Variants in ZNF28 observed in about 807,000 individuals in gnomAD.
ZNF28 encodes the protein zinc finger protein KOX24.
Under a neutral mutation model 7.2 loss-of-function variants are expected in ZNF28, and 5 were observed. That is an observed-to-expected ratio of 0.70 (90% CI 0.36 to 1.46). ZNF28 has a LOEUF of 1.46. Among genes scored for constraint, ZNF28 ranks in the 40% most tolerant of loss-of-function variants. ZNF28 has a pLI of 0.03. For synonymous variants in ZNF28, 288 were observed against 292.4 expected (o/e 0.99, Z 0.15); for missense variants, 879 against 866.6 (o/e 1.01, Z -0.18).
Position 52,798,753 on chromosome 19 carries a change from C to T in ZNF28, c.*935G>A, listed in dbSNP as rs2062826591. ...TATGAACGATATCTGAAAAATCTGT[C>T]ACATTTATTACACTTGTAAGATCTC... On this transcript the variant is annotated 3_prime_UTR_variant, in exon 4 of 4. Transcript: ENST00000457749. 1.7e-6 allele frequency: 1 copy of T among 591,832 alleles called. No individual in the cohort carries two copies. Among genetic ancestry groups the T allele is most frequent in the East Asian group, 5.0e-5 (1 of 19,860 alleles). 36.7% of individuals were successfully genotyped at this position (591,832 alleles called of 1,614,324 possible).
intron 2 of ZNF28, among the ~76,000 whole-genome samples, chr19:52,813,460 G>T (rs1422606646): frequency 8.3e-6 from 1 of 120,846 alleles, no homozygotes; most frequent in Non-Finnish European, 1.6e-5. Flanking sequence ...CGTAGGGGCT[G>T]CTCCAGGGTA....
At chr19:52,821,048 C>T (rs543810465) in intron 1 of ZNF28, among the ~76,000 whole-genome samples, 1 of 152,276 alleles carries the variant, frequency 6.6e-6, no homozygotes, top group East Asian at 1.9e-4. Flanking sequence ...GCCCCAGGCA[C>T]CTCTCCAACG....
rs1402934404 is a variant in ZNF28, at chr19:52,799,095, C to T, written c.*593G>A. The T allele has an allele frequency of 7.1e-6, 3 of 424,666 alleles. No homozygotes were observed. Among genetic ancestry groups the T allele is most frequent in the South Asian group, 4.5e-5 (2 of 44,886 alleles). 26.3% of individuals were successfully genotyped at this position (424,666 alleles called of 1,614,324 possible). ...ACTGACAACTTTGTCACAGTCTTCA[C>T]ATTTGTAAGATTTCTCTGCAGTATG... On this transcript the variant is annotated 3_prime_UTR_variant, in exon 4 of 4. Transcript: ENST00000457749.
intron 3 of ZNF28, among the ~76,000 whole-genome samples, chr19:52,804,892 C>T (rs1356434294): frequency 6.6e-6 from 1 of 152,174 alleles, no homozygotes; most frequent in African/African-American, 2.4e-5. Flanking sequence ...GCTGACAAAT[C>T]TTATTAAACA....
Position 52,801,416 on chromosome 19 carries a change from G to A in ZNF28, c.429C>T (p.Ser143=), listed in dbSNP as rs1181807868. The change falls in exon 4 of 4, where the codon AGC becomes AGT. Residue 143 remains serine (S), a synonymous_variant. Coordinates refer to ENST00000457749, the MANE Select transcript of ZNF28 (RefSeq NM_006969.5). ...NKHIKDQLGL[S]FHSHLPELHI... ...GCAGTTCAGGCAGATGCGAATGAAAGCTTAATCCAAGCTGATCTTTAATAT... is the reference window on the plus strand; with the variant it reads ...GCAGTTCAGGCAGATGCGAATGAAAACTTAATCCAAGCTGATCTTTAATAT... 3 of 1,614,094 alleles carry A rather than the reference G, an allele frequency of 1.9e-6. No individual in the cohort carries two copies. Among genetic ancestry groups the A allele is most frequent in the Admixed American group, 3.3e-5 (2 of 59,998 alleles).
At chr19:52,812,951 C>T (rs373676052) in intron 2 of ZNF28, among the ~76,000 whole-genome samples, 83 of 151,382 alleles carry the variant, frequency 5.5e-4, no homozygotes, top group Non-Finnish European at 1.5e-4. Flanking sequence ...TGAAATTCCA[C>T]AATCTGAGCT....
rs1568643176 is a variant in ZNF28, at chr19:52,798,606, GT to G, written c.*1081del. ...TTTGCCACAATCATCACACTTGTGA[GT>G]TTCTCTCCTGTATGAATCCTCCTAT... On this transcript the variant is annotated 3_prime_UTR_variant, in exon 4 of 4. Coordinates refer to ENST00000457749, the MANE Select transcript of ZNF28 (RefSeq NM_006969.5). 1 of 457,258 alleles carries G rather than the reference GT, an allele frequency of 2.2e-6. No homozygotes were observed. Among genetic ancestry groups the G allele is most frequent in the East Asian group, 6.0e-5 (1 of 16,540 alleles). The allele number at this position is 457,258 out of a possible 1,614,324, so 28.3% of individuals were successfully genotyped here.
At chr19:52,807,368 A>G (rs1022355215) in intron 3 of ZNF28, among the ~76,000 whole-genome samples, 5 of 152,362 alleles carry the variant, frequency 3.3e-5, no homozygotes, top group Middle Eastern at 3.4e-3. Flanking sequence ...GAGCACTGTA[A>G]TATGTAGTAT....
At chr19:52,821,242 A>G (rs934185345) in intron 1 of ZNF28, among the ~76,000 whole-genome samples, 8 of 152,098 alleles carry the variant, frequency 5.3e-5, no homozygotes, top group Admixed American at 1.3e-4. Flanking sequence ...GGAACCCAGG[A>G]GGATGAGGCT....
At chr19:52,813,249 G>GGAAAAAAAAAAAA (rs1229458898) in intron 2 of ZNF28, among the ~76,000 whole-genome samples, 2 of 62,984 alleles carry the variant, frequency 3.2e-5, no homozygotes, top group Non-Finnish European at 5.5e-5. Context: ...CTTGAATGGT[G>GGAAAAAAAAAAAA]AAAAAAAAAA....
At chr19:52,809,208 C>T (rs1205230160) in intron 2 of ZNF28, among the ~76,000 whole-genome samples, 1 of 152,166 alleles carries the variant, frequency 6.6e-6, no homozygotes, top group African/African-American at 2.4e-5. Context: ...AGCAATCACC[C>T]TTTCAACTGC....
intron 1 of ZNF28, among the ~76,000 whole-genome samples, chr19:52,819,457 A>C (rs2063168143): frequency 1.8e-5 from 2 of 112,150 alleles, no homozygotes; most frequent in Admixed American, 9.2e-5. Context: ...ACAACTGGGC[A>C]CTCCCCTCTA....
At position 52,803,339 on chromosome 19, in the gene ZNF28, C is replaced by T. The variant is rs149789302; in HGVS notation, c.143-1637G>A. Among the ~76,000 whole-genome samples the T allele has an allele frequency of 3.3e-5, 5 of 152,260 alleles. No individual in the cohort carries two copies. The East Asian group carries it at 7.7e-4, about 24-fold the overall frequency. ...CAGATGATCCACACATCTCAGCCTC[C>T]CAAGACCTGGGATTACAGGCATGAG... On this transcript the variant is annotated intron_variant, in intron 3 of 3. Transcript: ENST00000457749.
intron 1 of ZNF28, among the ~76,000 whole-genome samples, chr19:52,821,125 G>A (rs972845982): frequency 6.6e-6 from 1 of 152,220 alleles, no homozygotes; most frequent in Non-Finnish European, 1.5e-5. Flanking sequence ...GCAAGAGGAG[G>A]AGGGAGGTGG....
intron 1 of ZNF28, among the ~76,000 whole-genome samples, chr19:52,819,369 T>C (rs1401201095): frequency 1.4e-5 from 2 of 142,938 alleles, no homozygotes; most frequent in Non-Finnish European, 3.0e-5. Context: ...TCTTTCTGAG[T>C]CTACCACTCT....
At chr19:52,806,337 C>A (rs982006390) in intron 3 of ZNF28, among the ~76,000 whole-genome samples, 1 of 151,938 alleles carries the variant, frequency 6.6e-6, no homozygotes, top group African/African-American at 2.4e-5. Flanking sequence ...TGGATTACAG[C>A]CACCCACCAC....
intron 3 of ZNF28, among the ~76,000 whole-genome samples, chr19:52,804,663 A>G (rs1233354850): frequency 6.6e-6 from 1 of 152,048 alleles, no homozygotes; most frequent in East Asian, 1.9e-4. Flanking sequence ...GAGCCACTGC[A>G]CCTAGCCCAT....
chr19:52,814,802 G>A (rs559133297), intron 2 of ZNF28, among the ~76,000 whole-genome samples: 4 of 145,052 alleles, frequency 2.8e-5, no homozygotes, highest in Admixed American at 2.1e-4. Context: ...CAGGAGACTC[G>A]CTTGAACCAG....
chr19:52,814,142 A>G (rs7260398), intron 2 of ZNF28: 2 of 146,784 alleles, frequency 1.4e-5, no homozygotes, highest in African/African-American at 5.3e-5. Context: ...ACTGACAGTA[A>G]CGGCTCCCCA....
Sources: allele counts gnomAD v4.1 joint callset (sites outside exome capture counted in the v4.1 genomes callset), GRCh38; gene constraint gnomAD v4.1.1; transcripts MANE v1.5; gene names NCBI Gene and HGNC (gene_info 2026-07-23, HGNC 2026-07-21).